The following EPS15L1 variants were observed in gnomAD, a reference collection of about 807,000 sequenced individuals.
The protein encoded by EPS15L1 is epidermal growth factor receptor pathway substrate 15 like 1.
A neutral mutation model predicts 117.1 loss-of-function variants in EPS15L1; 43 were observed. The observed-to-expected ratio is 0.37, with a 90% confidence interval of 0.29 to 0.47. EPS15L1 has a LOEUF of 0.47. EPS15L1 is among the 20% of genes least tolerant of loss of function. The pLI is 0.99. For missense variants in EPS15L1, 981 were observed against 1,164.0 expected, an observed-to-expected ratio of 0.84 and a Z score of 2.29; for synonymous variants, 459 against 470.5, an observed-to-expected ratio of 0.98 and a Z score of 0.32.
At chr19:16,461,128 AC>A (rs1380657812) in intron 1 of EPS15L1, among the ~76,000 whole-genome samples, 3 of 150,344 alleles carry the variant, frequency 2.0e-5, no homozygotes, top group African/African-American at 7.4e-5. Context: ...ACACGGTGAA[AC>A]CCCGTCTCTA....
chr19:16,448,338 C>T (rs2093105039), intron 1 of EPS15L1, among the ~76,000 whole-genome samples: 1 of 151,696 alleles, frequency 6.6e-6, no homozygotes. Flanking sequence ...CAAGACCAGT[C>T]TGACCTACAT....
At chr19:16,382,127 G>A (rs754101036) in intron 21 of EPS15L1, among the ~76,000 whole-genome samples, 3 of 152,222 alleles carry the variant, frequency 2.0e-5, no homozygotes, top group Non-Finnish European at 4.4e-5. Flanking sequence ...GGGCCAAGCC[G>A]GCTTGGCGCC....
At chr19:16,413,904 C>A in intron 12 of EPS15L1, 59 bp from the exon 13 acceptor site, 1 of 1,325,460 alleles carries the variant, frequency 7.5e-7, no homozygotes, top group Admixed American at 1.7e-5. Context: ...CCACCCCTTC[C>A]CAAGGCCTGA....
chr19:16,468,230 C>T (rs2093320182), intron 1 of EPS15L1, among the ~76,000 whole-genome samples: 1 of 152,138 alleles, frequency 6.6e-6, no homozygotes, highest in Admixed American at 6.6e-5. Flanking sequence ...GATGTTCTAG[C>T]AACCGGAGCA....
chr19:16,400,995 G>C, intron 16 of EPS15L1: 1 of 985,444 alleles, frequency 1.0e-6, no homozygotes, highest in African/African-American at 1.7e-5. Flanking sequence ...GTAGGAGCCG[G>C]GTTGTGAGAC....
In EPS15L1 at chr19:16,404,535, G is replaced by A; in HGVS notation, c.1428+53C>T. 1 of 1,597,434 alleles carries A rather than the reference G, an allele frequency of 6.3e-7. No homozygotes were observed. The highest frequency in any genetic ancestry group is 1.1e-5 in the South Asian group (1 of 90,628). On this transcript the variant is annotated intron_variant, in intron 14 of 23. Coordinates refer to ENST00000455140, the MANE Select transcript of EPS15L1 (RefSeq NM_001258374.3). The surrounding 1 kb of genome is among the most constrained non-coding windows in gnomAD (Gnocchi z 4.2). ...GTAACACGAGCTCAGGGGAGTCCTT[G>A]GGAAGCCCCTGCCTGTGCATAGGGC...
chr19:16,385,020 GC>G, intron 21 of EPS15L1, 108 bp downstream of exon 21: 2 of 851,096 alleles, frequency 2.3e-6, no homozygotes, highest in Non-Finnish European at 3.9e-6. Flanking sequence ...TTGGAAAGGT[GC>G]CGGGGAGATA....
At chr19:16,446,134 T>G (rs2093081206) in intron 1 of EPS15L1, among the ~76,000 whole-genome samples, 1 of 152,202 alleles carries the variant, frequency 6.6e-6, no homozygotes. Flanking sequence ...CCTTCTGCTC[T>G]GAAGGCTTTA....
chr19:16,437,499 A>C (rs2092989759), intron 5 of EPS15L1, among the ~76,000 whole-genome samples: 1 of 152,202 alleles, frequency 6.6e-6, no homozygotes, highest in African/African-American at 2.4e-5. Context: ...ACAAGGAGTG[A>C]TTACTTAATG....
chr19:16,433,706 C>T (rs1007113342), intron 7 of EPS15L1, among the ~76,000 whole-genome samples: 1 of 151,926 alleles, frequency 6.6e-6, no homozygotes, highest in Admixed American at 6.6e-5. Flanking sequence ...GTGGCTCACG[C>T]CTGTAATCCC....
Position 16,442,232 on chromosome 19 carries a change from CCA to C in EPS15L1, c.34-15_34-14del, listed in dbSNP as rs996248208. ...TTCCAGTGGGAATCTGTAAATGAAA[CCA>C]CAGATATTGGTCAAAAGTGAACACA... On this transcript the variant is annotated splice_polypyrimidine_tract_variant and intron_variant, in intron 1 of 23. Transcript: ENST00000455140. The C allele has an allele frequency of 4.3e-6, 7 of 1,612,368 alleles. No homozygotes were observed. The highest frequency in any genetic ancestry group is 5.9e-6 in the Non-Finnish European group (7 of 1,178,812).
intron 6 of EPS15L1, 48 bp from the exon 7 acceptor site, chr19:16,434,538 G>C (rs542739483): frequency 3.1e-6 from 5 of 1,589,802 alleles, no homozygotes; most frequent in Non-Finnish European, 4.3e-6. Context: ...ACACCTGTGT[G>C]AATGTCCAGA....
chr19:16,410,534 A>C (rs555235900), intron 13 of EPS15L1, among the ~76,000 whole-genome samples: 1 of 152,344 alleles, frequency 6.6e-6, no homozygotes, highest in East Asian at 1.9e-4. Context: ...AGGTGTTCAC[A>C]CAAAAACTTG....
At position 16,392,210 on chromosome 19, in the gene EPS15L1, C is replaced by A. The variant is rs967870866; in HGVS notation, c.2103+94G>T. ...GGCCCACACTCGCAGGCACCATGTA[C>A]GCTCCACGAAGGGAAGGGGGCCTTC... is the stretch of plus-strand genomic sequence containing the variant. On this transcript the variant is annotated intron_variant, in intron 19 of 23. Transcript: ENST00000455140. 10 of 1,417,570 alleles carry A rather than the reference C, an allele frequency of 7.1e-6. No homozygotes were observed. In the Middle Eastern group the frequency reaches 6.6e-4, roughly 94 times the overall value. The allele number at this position is 1,417,570 out of a possible 1,614,324, so 87.8% of individuals were successfully genotyped here.
rs10612334 is a variant in EPS15L1 at position 16,401,332 on chromosome 19, AAGC to A, written c.1791+986_1791+988del. Reference sequence around the variant, plus strand: ...TGGCTGCTGAGAAAAGAAACACATCAAGCATTGAACATAAAGAGGCAAGTGTGG... The same window carrying A: ...TGGCTGCTGAGAAAAGAAACACATCAATTGAACATAAAGAGGCAAGTGTGG... On this transcript the variant is annotated intron_variant, in intron 16 of 23. Coordinates refer to ENST00000455140, the MANE Select transcript of EPS15L1 (RefSeq NM_001258374.3). 7,475 of 985,450 alleles carry A rather than the reference AAGC, an allele frequency of 7.6e-3. 161 individuals are homozygous for A. In the Admixed American group the frequency reaches 0.089, roughly 12 times the overall value. The allele number at this position is 985,450 out of a possible 1,614,324, so 61.0% of individuals were successfully genotyped here.
intron 8 of EPS15L1, among the ~76,000 whole-genome samples, chr19:16,425,735 A>G (rs989223426): frequency 2.6e-5 from 4 of 151,940 alleles, no homozygotes; most frequent in African/African-American, 7.3e-5. Flanking sequence ...AGCCCAGGAG[A>G]TGGAGGCTGC....
rs1482474253 is a variant in EPS15L1 at position 16,404,353 on chromosome 19, G to T, written c.1428+235C>A. On this transcript the variant is annotated intron_variant, in intron 14 of 23. Coordinates refer to ENST00000455140, the MANE Select transcript of EPS15L1 (RefSeq NM_001258374.3). The surrounding 1 kb of genome is among the most constrained non-coding windows in gnomAD (Gnocchi z 4.2). ...CAGGTGGGGTGTGTTCAGGGCACAA[G>T]TTCGCAGGGACCAAGGCCATTCACT... Among the ~76,000 whole-genome samples the T allele has an allele frequency of 2.0e-5, 3 of 152,176 alleles. No homozygotes were observed. Among genetic ancestry groups the T allele is most frequent in the Admixed American group, 6.5e-5 (1 of 15,280 alleles).
At chr19:16,415,073 C>G (rs1245889416) in intron 12 of EPS15L1, among the ~76,000 whole-genome samples, 4 of 152,112 alleles carry the variant, frequency 2.6e-5, no homozygotes, top group African/African-American at 4.8e-5. Flanking sequence ...AACAAATCAC[C>G]AACTGGGTGG....
chr19:16,425,687 C>A (rs1381934990), intron 8 of EPS15L1, among the ~76,000 whole-genome samples: 1 of 152,138 alleles, frequency 6.6e-6, no homozygotes, highest in Non-Finnish European at 1.5e-5. Context: ...CAGGAGTAGT[C>A]CCAGCTACTT....
Sources: allele counts gnomAD v4.1 joint callset (sites outside exome capture counted in the v4.1 genomes callset), GRCh38; gene constraint gnomAD v4.1.1; non-coding constraint Gnocchi (gnomAD v3.1); transcripts MANE v1.5; gene names NCBI Gene and HGNC (gene_info 2026-07-23, HGNC 2026-07-21).